Variants in CPSF2 observed in about 807,000 individuals in gnomAD.
The protein encoded by CPSF2 is cleavage and polyadenylation specificity factor subunit 2.
Under a neutral mutation model 84.2 loss-of-function variants are expected in CPSF2, and 51 were observed. The ratio of observed to expected loss-of-function variants is 0.61; its 90% CI spans 0.48 to 0.77. The LOEUF (loss-of-function observed/expected upper bound fraction) is 0.77, where lower values mean the gene tolerates loss of function less well. Among genes scored for constraint, CPSF2 ranks in the 30% least tolerant of loss-of-function variants. CPSF2 has a pLI of 0.00. For missense variants in CPSF2, 641 were observed against 929.4 expected, an observed-to-expected ratio of 0.69 and a Z score of 4.03; for synonymous variants, 286 against 311.9, an observed-to-expected ratio of 0.92 and a Z score of 0.87.
chr14:92,143,348 C>A, intron 9 of CPSF2, 54 bp downstream of exon 9: 2 of 1,179,672 alleles, frequency 1.7e-6, no homozygotes, highest in Non-Finnish European at 2.4e-6. Flanking sequence ...ATACATTGTG[C>A]ATGATGTAAA....
At position 92,154,346 on chromosome 14, in the gene CPSF2, A is replaced by T. The variant is rs537828936; in HGVS notation, c.1141-12A>T. On this transcript the variant is annotated splice_polypyrimidine_tract_variant and intron_variant, in intron 9 of 15. Coordinates refer to ENST00000298875, the MANE Select transcript of CPSF2 (RefSeq NM_017437.3). ...ATATTAACATTTCCTTTTGTCTTTT[A>T]TTTTTTTTTAGTTGAGGAAACGTGT... 16 of 1,543,370 alleles carry T rather than the reference A, an allele frequency of 1.0e-5. No individual in the cohort carries two copies. The South Asian group carries it at 1.9e-4, about 18-fold the overall frequency.
rs903818756 is a variant in CPSF2, at chr14:92,165,689, T to C, written c.*3945T>C. On this transcript the variant is annotated 3_prime_UTR_variant, in exon 16 of 16. Coordinates refer to ENST00000298875, the MANE Select transcript of CPSF2 (RefSeq NM_017437.3). The stretch of plus-strand genomic sequence containing the variant: ...GAGATGTAAGAGTTTTTTTATATAT[T>C]TTCTGGATACTAAACCATTATATAT... 1 of 152,016 alleles carries C rather than the reference T, an allele frequency of 6.6e-6. No individual in the cohort carries two copies. Among genetic ancestry groups the C allele is most frequent in the African/African-American group, 2.4e-5 (1 of 41,396 alleles). The allele number at this position is 152,016 out of a possible 1,614,324, so 9.4% of individuals were successfully genotyped here. A position where few individuals can be genotyped will look rare whatever the true frequency, so the allele number is the denominator to read the frequency against.
In CPSF2 at chr14:92,161,795, T is replaced by A. The variant is rs373394165; in HGVS notation, c.*51T>A. ...CTTGACCTTTCTAAGAAAAAGGGATTCTTATCTTACTCTGAGCTTTTGATG... is the reference window on the plus strand; with the variant it reads ...CTTGACCTTTCTAAGAAAAAGGGATACTTATCTTACTCTGAGCTTTTGATG... On this transcript the variant is annotated 3_prime_UTR_variant, in exon 16 of 16. Coordinates refer to ENST00000298875, the MANE Select transcript of CPSF2 (RefSeq NM_017437.3). The A allele has an allele frequency of 1.2e-4, 124 of 1,038,622 alleles. 1 individual carries two copies. Among genetic ancestry groups the A allele is most frequent in the Non-Finnish European group, 1.6e-4 (117 of 709,918 alleles). The allele number at this position is 1,038,622 out of a possible 1,614,324, so 64.3% of individuals were successfully genotyped here. A position where few individuals can be genotyped will look rare whatever the true frequency, so the allele number is the denominator to read the frequency against.
chr14:92,165,031 A>G lies in CPSF2; in HGVS notation c.*3287A>G, dbSNP rs912839021. The G allele has an allele frequency of 1.3e-5, 2 of 152,192 alleles. No individual in the cohort carries two copies. Among genetic ancestry groups the G allele is most frequent in the African/African-American group, 4.8e-5 (2 of 41,450 alleles). The allele number at this position is 152,192 out of a possible 1,614,324, so 9.4% of individuals were successfully genotyped here. On this transcript the variant is annotated 3_prime_UTR_variant, in exon 16 of 16. Transcript: ENST00000298875. Reference sequence around the variant, plus strand: ...TCATAAAAATTGAATAATACAATATATGAACTTTTATGTTTGACTTCTTTC... The same window carrying G: ...TCATAAAAATTGAATAATACAATATGTGAACTTTTATGTTTGACTTCTTTC...
At chr14:92,140,313 A>G (rs2069059409) in intron 7 of CPSF2, among the ~76,000 whole-genome samples, 1 of 152,040 alleles carries the variant, frequency 6.6e-6, no homozygotes, top group Non-Finnish European at 1.5e-5. Flanking sequence ...CTCAAGCCAG[A>G]CACTGTGGTT....
intron 7 of CPSF2, among the ~76,000 whole-genome samples, chr14:92,138,862 A>G (rs1473384562): frequency 1.3e-5 from 2 of 152,210 alleles, no homozygotes; most frequent in African/African-American, 4.8e-5. Context: ...AATGCATGGT[A>G]GTGGGAATGA....
intron 1 of CPSF2, among the ~76,000 whole-genome samples, chr14:92,122,563 C>G (rs2068786344): frequency 6.6e-6 from 1 of 152,228 alleles, no homozygotes. Flanking sequence ...CTTAGGCGTC[C>G]TTTTAGTTCT....
Position 92,169,729 on chromosome 14 carries a change from ATT to A in CPSF2, c.*7988_*7989del, listed in dbSNP as rs1367032631. 5 of 145,046 alleles carry A rather than the reference ATT, an allele frequency of 3.4e-5. No homozygotes were observed. The highest frequency in any genetic ancestry group is 7.1e-5 in the Admixed American group (1 of 14,026). 9.0% of individuals were successfully genotyped at this position (145,046 alleles called of 1,614,324 possible). A position where few individuals can be genotyped will look rare whatever the true frequency, so the allele number is the denominator to read the frequency against. On this transcript the variant is annotated 3_prime_UTR_variant, in exon 16 of 16. Transcript: ENST00000298875. ...ATGAGGAGGATTGAGAATGTTGTTCATTTTATCTAATTACTGCCTATTAAGAA... is the reference window on the plus strand; with the variant it reads ...ATGAGGAGGATTGAGAATGTTGTTCATTATCTAATTACTGCCTATTAAGAA...
In CPSF2 at chr14:92,169,884, C is replaced by T. The variant is rs1227319863; in HGVS notation, c.*8140C>T. On this transcript the variant is annotated 3_prime_UTR_variant, in exon 16 of 16. Transcript: ENST00000298875. The stretch of plus-strand genomic sequence containing the variant: ...CAGCACAGTGGTTCACACCTGTAAT[C>T]CCAGCACCTTGGGAGGCTAAAGGCA... The T allele has an allele frequency of 6.6e-6, 1 of 152,082 alleles. No individual in the cohort carries two copies. Among genetic ancestry groups the T allele is most frequent in the Admixed American group, 6.6e-5 (1 of 15,262 alleles). 9.4% of individuals were successfully genotyped at this position (152,082 alleles called of 1,614,324 possible).
chr14:92,142,067 A>G, intron 7 of CPSF2, 97 bp from the exon 8 acceptor site: 1 of 981,062 alleles, frequency 1.0e-6, no homozygotes, highest in Non-Finnish European at 1.5e-6. Context: ...TTTGTAAATT[A>G]TAGTCTTTCT....
At chr14:92,136,993 A>G (rs559427454) in intron 6 of CPSF2, among the ~76,000 whole-genome samples, 110 of 151,690 alleles carry the variant, frequency 7.3e-4, no homozygotes, top group African/African-American at 2.1e-3. Flanking sequence ...TTGATGACAT[A>G]CAGGTTCAAA....
Position 92,138,516 on chromosome 14 carries a change from G to A in CPSF2, c.661+169G>A, listed in dbSNP as rs971406718. On this transcript the variant is annotated intron_variant, in intron 7 of 15. Transcript: ENST00000298875. ...GCGATCTCGGCTCACTGTAACTTCCGCCTCCTGGGTTCAAGTGATTCTTGT... is the reference window on the plus strand; with the variant it reads ...GCGATCTCGGCTCACTGTAACTTCCACCTCCTGGGTTCAAGTGATTCTTGT... Among the ~76,000 whole-genome samples the A allele has an allele frequency of 5.9e-5, 9 of 151,710 alleles. No individual in the cohort carries two copies. In the East Asian group the frequency reaches 7.7e-4, roughly 13 times the overall value.
intron 3 of CPSF2, among the ~76,000 whole-genome samples, chr14:92,132,369 A>G (rs1392765536): frequency 6.6e-6 from 1 of 151,918 alleles, no homozygotes; most frequent in African/African-American, 2.4e-5. Flanking sequence ...TCCTGACCTC[A>G]GGCGATCCAC....
chr14:92,155,030 A>G (rs997364036), intron 10 of CPSF2, 93 bp from the exon 11 acceptor site: 4 of 804,344 alleles, frequency 5.0e-6, no homozygotes, highest in Admixed American at 5.2e-5. Flanking sequence ...TGAATTAATA[A>G]TATTGAGTAT....
rs1023886969 is a variant in CPSF2, at chr14:92,162,914, T to G, written c.*1170T>G. ...TCTCAAATGGTTAAGCCCTCTTCTT[T>G]ACTCTTAATTTTTTTTTGAGACAGA... is the stretch of plus-strand genomic sequence containing the variant. On this transcript the variant is annotated 3_prime_UTR_variant, in exon 16 of 16. Transcript: ENST00000298875. 3.3e-5 allele frequency: 5 copies of G among 152,196 alleles called. No homozygotes were observed. The highest frequency in any genetic ancestry group is 7.3e-5 in the Non-Finnish European group (5 of 68,034). The allele number at this position is 152,196 out of a possible 1,614,324, so 9.4% of individuals were successfully genotyped here. A position where few individuals can be genotyped will look rare whatever the true frequency, so the allele number is the denominator to read the frequency against.
At chr14:92,144,915 CT>C (rs2069123779) in intron 9 of CPSF2, among the ~76,000 whole-genome samples, 1 of 152,088 alleles carries the variant, frequency 6.6e-6, no homozygotes, top group South Asian at 2.1e-4. Context: ...TCAGGAATTC[CT>C]TTATCTTTCC....
intron 1 of CPSF2, among the ~76,000 whole-genome samples, chr14:92,123,876 A>C (rs1006217301): frequency 2.0e-5 from 3 of 152,222 alleles, no homozygotes; most frequent in Non-Finnish European, 4.4e-5. Context: ...AAAGATGATC[A>C]CTTTTACTCC....
In CPSF2 at chr14:92,161,874, AT is replaced by A; in HGVS notation, c.*135del. 1.7e-6 allele frequency: 1 copy of A among 585,542 alleles called. No homozygotes were observed. The highest frequency in any genetic ancestry group is 2.9e-6 in the Non-Finnish European group (1 of 341,566). 36.3% of individuals were successfully genotyped at this position (585,542 alleles called of 1,614,324 possible). The stretch of plus-strand genomic sequence containing the variant: ...TGCCAGAAAAACTTACATGTATCAG[AT>A]TTTTAAAAATATAAATAGAGAACAT... On this transcript the variant is annotated 3_prime_UTR_variant, in exon 16 of 16. Coordinates refer to ENST00000298875, the MANE Select transcript of CPSF2 (RefSeq NM_017437.3).
At chr14:92,144,332 C>A (rs1276395063) in intron 9 of CPSF2, among the ~76,000 whole-genome samples, 4 of 152,192 alleles carry the variant, frequency 2.6e-5, no homozygotes, top group Admixed American at 1.3e-4. Flanking sequence ...CTCAGACATC[C>A]ATTCCTGCTA....
Sources: gnomAD v4.1 joint callset for allele counts (sites outside exome capture counted in the v4.1 genomes callset) on GRCh38, gnomAD v4.1.1 for gene constraint, MANE v1.5 for transcripts, NCBI Gene and HGNC (gene_info 2026-07-23, HGNC 2026-07-21) for gene names.